ZNF44: variants seen among roughly 807,000 people sequenced by gnomAD.
ZNF44 encodes zinc finger protein 44, also known as gonadotropin inducible transcription repressor-2.
Under a neutral mutation model 11.7 loss-of-function variants are expected in ZNF44, and 9 were observed. The observed-to-expected ratio is 0.77, with a 90% confidence interval of 0.46 to 1.35. The LOEUF (loss-of-function observed/expected upper bound fraction) is 1.35, where lower values mean the gene tolerates loss of function less well. Ranked by LOEUF, ZNF44 falls within the 40% of genes most tolerant of loss-of-function variation. ZNF44 has a pLI of 0.00. For missense variants in ZNF44, 696 were observed against 743.1 expected (o/e 0.94, Z 0.74); for synonymous variants, 224 against 242.7 (o/e 0.92, Z 0.72).
chr19:12,279,021 G>C (rs1376117640), intron 1 of ZNF44, among the ~76,000 whole-genome samples: 3 of 152,176 alleles, frequency 2.0e-5, no homozygotes, highest in Non-Finnish European at 4.4e-5. Flanking sequence ...GACTGGAAGA[G>C]GTCAGGTTTT....
intron 1 of ZNF44, chr19:12,285,096 C>G: frequency 1.5e-6 from 1 of 649,930 alleles, no homozygotes; most frequent in Non-Finnish European, 2.7e-6. Flanking sequence ...CACCAAGTCT[C>G]CCTATCAGGA....
chr19:12,240,420 G>A (rs1262138930), upstream of ZNF44, among the ~76,000 whole-genome samples: 3 of 146,070 alleles, frequency 2.1e-5, no homozygotes, highest in African/African-American at 7.9e-5. Flanking sequence ...ACTCCAGCCT[G>A]GGAGACAGAG....
intron 7 of ZNF44, among the ~76,000 whole-genome samples, chr19:12,249,570 G>A (rs968970027): frequency 6.6e-6 from 1 of 150,858 alleles, no homozygotes; most frequent in African/African-American, 2.4e-5. Context: ...TATTTTTCCC[G>A]AGATGGAGCT....
At chr19:12,285,842 C>G (rs765849141) in intron 1 of ZNF44, among the ~76,000 whole-genome samples, 1 of 151,860 alleles carries the variant, frequency 6.6e-6, no homozygotes, top group Admixed American at 6.6e-5. Flanking sequence ...CACAATGAAA[C>G]CCCATCTCTA....
intron 1 of ZNF44, among the ~76,000 whole-genome samples, chr19:12,235,516 G>C (rs1245432182): frequency 1.3e-5 from 2 of 152,104 alleles, no homozygotes; most frequent in African/African-American, 4.8e-5. Flanking sequence ...TACAAAGGTG[G>C]AAAACTATAG....
At chr19:12,269,361 A>G (rs1966888897), downstream of ZNF44, among the ~76,000 whole-genome samples, 1 of 152,058 alleles carries the variant, frequency 6.6e-6, no homozygotes, top group East Asian at 2.0e-4. Flanking sequence ...TGTCTCTACT[A>G]AAAATACAAA....
chr19:12,285,822 T>A (rs1967712909), intron 1 of ZNF44, among the ~76,000 whole-genome samples: 1 of 151,348 alleles, frequency 6.6e-6, no homozygotes, highest in African/African-American at 2.4e-5. Flanking sequence ...ATCGAGACCA[T>A]CCTGGAGAAC....
In ZNF44 at chr19:12,260,966, C is replaced by T. The variant is rs566062392; in HGVS notation, c.1913-10598G>A. 2.8e-4 allele frequency among the ~76,000 whole-genome samples: 42 copies of T among 152,238 alleles called. No homozygotes were observed. In the East Asian group the frequency reaches 7.3e-3, roughly 27 times the overall value. On this transcript the variant is annotated intron_variant and NMD_transcript_variant, in intron 5 of 7. Coordinates refer to the ZNF44 transcript ENST00000393337. Reference sequence around the variant, plus strand: ...ACCAACTGCTAGTCACCTAGAAGGGCGAGGCTGCAATGATGACACTGATGA... The same window carrying T: ...ACCAACTGCTAGTCACCTAGAAGGGTGAGGCTGCAATGATGACACTGATGA...
At chr19:12,294,647 C>T in intron 1 of ZNF44, 45 bp downstream of exon 1, 4 of 1,551,268 alleles carry the variant, frequency 2.6e-6, no homozygotes, top group Non-Finnish European at 3.5e-6. Context: ...CTGGTTCCGA[C>T]CAGCCCTTCG....
intron 1 of ZNF44, among the ~76,000 whole-genome samples, chr19:12,280,498 T>C (rs1178298206): frequency 6.6e-6 from 1 of 151,828 alleles, no homozygotes; most frequent in Non-Finnish European, 1.5e-5. Context: ...TAAAATCATA[T>C]AGAATGCTCA....
At chr19:12,232,546 T>A (rs1916208590) in intron 2 of ZNF44, among the ~76,000 whole-genome samples, 1 of 152,192 alleles carries the variant, frequency 6.6e-6, no homozygotes, top group Admixed American at 6.5e-5. Context: ...GTGATGACTC[T>A]TAACGAGCAT....
chr19:12,271,204 T>C (rs909097363), downstream of ZNF44, among the ~76,000 whole-genome samples: 1 of 152,144 alleles, frequency 6.6e-6, no homozygotes, highest in Non-Finnish European at 1.5e-5. Flanking sequence ...TCAGCTAACA[T>C]CCTTTGATTG....
downstream of ZNF44, chr19:12,247,510 A>T: frequency 7.4e-7 from 1 of 1,348,840 alleles, no homozygotes. Flanking sequence ...GCTTTACCAC[A>T]CTGTTTACAT....
chr19:12,245,770 A>T (rs1303139316), downstream of ZNF44, among the ~76,000 whole-genome samples: 1 of 152,184 alleles, frequency 6.6e-6, no homozygotes, highest in Non-Finnish European at 1.5e-5. Flanking sequence ...TAATGTTGTT[A>T]ACTAAATTTT....
chr19:12,277,290 A>C (rs911682111), intron 1 of ZNF44, among the ~76,000 whole-genome samples: 3 of 152,206 alleles, frequency 2.0e-5, no homozygotes, highest in African/African-American at 7.2e-5. Context: ...ACAAAAGACT[A>C]ATAAAAGAGA....
chr19:12,293,657 TGAG>T (rs1259724034), intron 1 of ZNF44, among the ~76,000 whole-genome samples: 2 of 152,084 alleles, frequency 1.3e-5, no homozygotes, highest in Admixed American at 1.3e-4. Context: ...TACTGGGAAT[TGAG>T]GAGTGAAGTT....
chr19:12,247,842 C>G (rs1419984667), exon 8 of ZNF44: 1 of 1,301,984 alleles, frequency 7.7e-7, no homozygotes, highest in Non-Finnish European at 1.0e-6. Flanking sequence ...GTAAGTTTTC[C>G]CACACAGTTT....
At chr19:12,247,402 T>G (rs1568426506), downstream of ZNF44, 4 of 1,311,554 alleles carry the variant, frequency 3.0e-6, no homozygotes, top group Non-Finnish European at 4.0e-6. Context: ...CGAAAGCCTG[T>G]AAGGAAACTG....
At chr19:12,245,883 C>T (rs771980101), downstream of ZNF44, among the ~76,000 whole-genome samples, 45 of 152,220 alleles carry the variant, frequency 3.0e-4, no homozygotes, top group Non-Finnish European at 5.1e-4. Flanking sequence ...GCGTGGACAC[C>T]GGCCTCCTGC....
Sources: gnomAD v4.1 joint callset for allele counts (sites outside exome capture counted in the v4.1 genomes callset) on GRCh38, gnomAD v4.1.1 for gene constraint, MANE v1.5 for transcripts, NCBI Gene and HGNC (gene_info 2026-07-23, HGNC 2026-07-21) for gene names.